Variants in ARHGAP39 observed in about 807,000 individuals in gnomAD.
ARHGAP39 encodes Rho GTPase activating protein 39, also known as rho GTPase-activating protein 39.
A neutral mutation model predicts 106.9 loss-of-function variants in ARHGAP39; 44 were observed. That is an observed-to-expected ratio of 0.41 (90% confidence interval 0.32 to 0.53). The LOEUF (loss-of-function observed/expected upper bound fraction) is 0.53, where lower values mean the gene tolerates loss of function less well. Ranked by LOEUF, ARHGAP39 falls within the 20% of genes least tolerant of loss-of-function variation. The pLI, the probability that ARHGAP39 is intolerant of heterozygous loss-of-function variation, is 0.21. For missense variants in ARHGAP39, 1,496 were observed against 1,577.3 expected, an observed-to-expected ratio of 0.95 and a Z score of 0.87; for synonymous variants, 768 against 693.2, an observed-to-expected ratio of 1.11 and a Z score of -1.69.
At chr8:144,558,582 C>T (rs140849200) in intron 3 of ARHGAP39, among the ~76,000 whole-genome samples, 159 of 15,302 alleles carry the variant, frequency 0.01, no homozygotes, top group Non-Finnish European at 0.015. Context: ...CGTGAGTCAC[C>T]GCGCCTGGCC....
At chr8:144,616,191 G>A (rs1820631499) in intron 1 of ARHGAP39, among the ~76,000 whole-genome samples, 1 of 152,252 alleles carries the variant, frequency 6.6e-6, no homozygotes, top group African/African-American at 2.4e-5. Context: ...AAGTTCCTGA[G>A]AGAGGCAGTC....
intron 1 of ARHGAP39, among the ~76,000 whole-genome samples, chr8:144,635,790 A>C (rs1405595190): frequency 1.5e-5 from 2 of 134,546 alleles, no homozygotes; most frequent in Admixed American, 1.5e-4. Flanking sequence ...GTGGCTGAAC[A>C]CTCACCCAGT....
Position 144,591,885 on chromosome 8 carries a change from G to A in ARHGAP39, c.81-10608C>T, listed in dbSNP as rs557865507. On this transcript the variant is annotated intron_variant, in intron 2 of 11. Transcript: ENST00000377307. This position sits in a 1 kb window ranked among gnomAD's most constrained non-coding sequence, Gnocchi z 5.3. ...CGTCGCCTCGTCGCCTCGTGCCTGCGGGGAGTGCTGCCTGTGGGGAGTGGT... is the reference window on the plus strand; with the variant it reads ...CGTCGCCTCGTCGCCTCGTGCCTGCAGGGAGTGCTGCCTGTGGGGAGTGGT... Among the ~76,000 whole-genome samples, 12 of 152,252 alleles carry A rather than the reference G, an allele frequency of 7.9e-5. No homozygotes were observed. Among genetic ancestry groups the A allele is most frequent in the East Asian group, 1.9e-4 (1 of 5,170 alleles).
intron 3 of ARHGAP39, among the ~76,000 whole-genome samples, chr8:144,566,512 G>A (rs896069431): frequency 3.3e-5 from 5 of 152,028 alleles, no homozygotes; most frequent in Admixed American, 1.3e-4. Context: ...CAGAGATCAC[G>A]CCATTCCACT....
Position 144,645,713 on chromosome 8 carries a change from C to T in ARHGAP39, c.-82+39973G>A, listed in dbSNP as rs757015441. On this transcript the variant is annotated intron_variant, in intron 1 of 11. Transcript: ENST00000377307. This position sits in a 1 kb window ranked among gnomAD's most constrained non-coding sequence, Gnocchi z 4.4. ...AGAAAAAACCATCCCCAAACCCAGA[C>T]GTGCTCTCAGGAAGCAGAGCGATAC... Among the ~76,000 whole-genome samples, 29 of 152,382 alleles carry T rather than the reference C, an allele frequency of 1.9e-4. No homozygotes were observed. The highest frequency in any genetic ancestry group is 3.7e-4 in the Non-Finnish European group (25 of 68,042).
At chr8:144,590,455 T>C (rs1471068227) in intron 2 of ARHGAP39, among the ~76,000 whole-genome samples, 1 of 152,168 alleles carries the variant, frequency 6.6e-6, no homozygotes, top group African/African-American at 2.4e-5. Flanking sequence ...GTTTAAAGTG[T>C]GTGGTGCCTC....
rs1171835721 is a variant in ARHGAP39, at chr8:144,653,451, T to C, written c.-82+32235A>G. 2.0e-5 allele frequency among the ~76,000 whole-genome samples: 3 copies of C among 152,192 alleles called. No homozygotes were observed. In the East Asian group the frequency reaches 5.8e-4, roughly 29 times the overall value. ...ACACCATGCCTGGCGTCTACCTGCCTGGGAGCTGCTGAAATGATGGAAAAA... is the reference window on the plus strand; with the variant it reads ...ACACCATGCCTGGCGTCTACCTGCCCGGGAGCTGCTGAAATGATGGAAAAA... On this transcript the variant is annotated intron_variant, in intron 1 of 11. Coordinates refer to ENST00000377307, the MANE Select transcript of ARHGAP39 (RefSeq NM_025251.3).
chr8:144,674,852 A>G (rs2129739395), intron 1 of ARHGAP39, among the ~76,000 whole-genome samples: 1 of 152,318 alleles, frequency 6.6e-6, no homozygotes, highest in African/African-American at 2.4e-5. Flanking sequence ...ACACCTGGCC[A>G]GGTTGCAACA....
chr8:144,664,977 G>A (rs1464500034), intron 1 of ARHGAP39, among the ~76,000 whole-genome samples: 2 of 152,202 alleles, frequency 1.3e-5, no homozygotes, highest in Non-Finnish European at 2.9e-5. Flanking sequence ...TTCAAAAGAA[G>A]ACAGGAAAAT....
chr8:144,639,338 A>G (rs185239728), intron 1 of ARHGAP39, among the ~76,000 whole-genome samples: 2,566 of 146,246 alleles, frequency 0.018, 75 homozygotes, highest in African/African-American at 0.066. Context: ...AAAAAAAAAA[A>G]AAAGAAAGAA....
chr8:144,548,523 C>T lies in ARHGAP39; in HGVS notation c.597-34G>A. 6.3e-7 allele frequency: 1 copy of T among 1,591,346 alleles called. No homozygotes were observed. ...GGGGTGGACGGGCACAGGTGACTGC[C>T]TGCCTGCTGCTTCTGGGCACGCCCC... On this transcript the variant is annotated intron_variant, in intron 4 of 11. Transcript: ENST00000377307. The surrounding 1 kb of genome is among the most constrained non-coding windows in gnomAD (Gnocchi z 7.4).
At chr8:144,675,342 C>T (rs1489080767) in intron 1 of ARHGAP39, among the ~76,000 whole-genome samples, 3 of 152,196 alleles carry the variant, frequency 2.0e-5, no homozygotes, top group African/African-American at 7.2e-5. Context: ...CCACTGTGTC[C>T]AGAATTGGTG....
At chr8:144,542,802 G>A (rs1227977895) in intron 6 of ARHGAP39, among the ~76,000 whole-genome samples, 1 of 152,012 alleles carries the variant, frequency 6.6e-6, no homozygotes, top group African/African-American at 2.4e-5. Context: ...AGCTGGGTAT[G>A]GTGGCGCGCA....
chr8:144,658,925 T>G (rs1288993803), intron 1 of ARHGAP39, among the ~76,000 whole-genome samples: 2 of 152,118 alleles, frequency 1.3e-5, no homozygotes, highest in Non-Finnish European at 2.9e-5. Context: ...GCAAAATACA[T>G]GCACTGAGTA....
intron 2 of ARHGAP39, 80 bp from the exon 3 acceptor site, chr8:144,581,357 A>C: frequency 7.2e-7 from 1 of 1,397,554 alleles, no homozygotes; most frequent in Non-Finnish European, 9.6e-7. Flanking sequence ...CCCCGGCTCC[A>C]GCCCCAGCTG....
Position 144,530,346 on chromosome 8 carries a change from T to C in ARHGAP39, c.*76A>G, listed in dbSNP as rs2130809795. ...GGCTGGGCCGGGCGATTCTGGCCCC[T>C]CTGCCGGGAGAGCGAGTGCGGAGTT... On this transcript the variant is annotated 3_prime_UTR_variant, in exon 12 of 12. Transcript: ENST00000377307. 1 of 1,470,448 alleles carries C rather than the reference T, an allele frequency of 6.8e-7. No individual in the cohort carries two copies. The highest frequency in any genetic ancestry group is 9.2e-7 in the Non-Finnish European group (1 of 1,090,968). 91.1% of individuals were successfully genotyped at this position (1,470,448 alleles called of 1,614,324 possible).
rs562140201 is a variant in ARHGAP39, at chr8:144,645,473, C to T, written c.-81-39778G>A. Among the ~76,000 whole-genome samples, 3 of 148,838 alleles carry T rather than the reference C, an allele frequency of 2.0e-5. No homozygotes were observed. Among genetic ancestry groups the T allele is most frequent in the Non-Finnish European group, 3.0e-5 (2 of 67,160 alleles). The stretch of plus-strand genomic sequence containing the variant: ...CTCCCCGCCTCACTCTGGTCTCTCC[C>T]GGCAGAGTCACTGATGGTCTCCGTC... On this transcript the variant is annotated intron_variant, in intron 1 of 11. Transcript: ENST00000377307. This position sits in a 1 kb window ranked among gnomAD's most constrained non-coding sequence, Gnocchi z 4.4.
Position 144,540,127 on chromosome 8 carries a change from A to G in ARHGAP39, c.2522-2314T>C, listed in dbSNP as rs546457246. Among the ~76,000 whole-genome samples the G allele has an allele frequency of 7.2e-5, 11 of 152,304 alleles. No homozygotes were observed. The East Asian group carries it at 2.1e-3, about 29-fold the overall frequency. On this transcript the variant is annotated intron_variant, in intron 6 of 11. Transcript: ENST00000377307. ...TCAGATCTATCTCTAAGTATGTCAT[A>G]TTTTAAAATGCTACTGCAGGCAGGC...
chr8:144,567,437 G>A (rs976070825), intron 3 of ARHGAP39, among the ~76,000 whole-genome samples: 5 of 152,224 alleles, frequency 3.3e-5, no homozygotes, highest in Non-Finnish European at 7.3e-5. Context: ...TGGTCTAGCA[G>A]TAGCGTCAGT....
Sources: gnomAD v4.1 joint callset for allele counts (sites outside exome capture counted in the v4.1 genomes callset) on GRCh38, gnomAD v4.1.1 for gene constraint, Gnocchi (gnomAD v3.1) non-coding constraint, MANE v1.5 for transcripts, NCBI Gene and HGNC (gene_info 2026-07-23, HGNC 2026-07-21) for gene names.